The following ZNF75D variants were observed in gnomAD, a reference collection of about 807,000 sequenced individuals.
ZNF75D encodes the protein zinc finger protein 75.
ZNF75D carries 33 observed loss-of-function variants against 33.3 expected under a neutral mutation model. The observed-to-expected ratio is 0.99, with a 90% CI of 0.75 to 1.32. ZNF75D has a LOEUF of 1.32. ZNF75D is among the 40% of genes most tolerant of loss of function. The probability of loss-of-function intolerance (pLI) is 0.00; values close to 1 mark genes in which losing one functional copy is unlikely to be tolerated. For synonymous variants in ZNF75D, 113 were observed against 130.6 expected, an observed-to-expected ratio of 0.87 and a Z score of 0.92; for missense variants, 338 against 367.5, an observed-to-expected ratio of 0.92 and a Z score of 0.66.
At chrX:135,272,766 G>A (rs1305001093) in intron 1 of ZNF75D, among the ~76,000 whole-genome samples, 1 of 111,367 alleles carries the variant, frequency 9.0e-6, no homozygotes, top group Admixed American at 9.5e-5. Flanking sequence ...AAACACTTCA[G>A]CTATGACAGG....
At chrX:135,332,773 A>C (rs1266705509) in intron 1 of ZNF75D, among the ~76,000 whole-genome samples, 1 of 111,899 alleles carries the variant, frequency 8.9e-6, no homozygotes, top group Non-Finnish European at 1.9e-5. Flanking sequence ...TCAACTACTC[A>C]TCATCTCACA....
intron 1 of ZNF75D, among the ~76,000 whole-genome samples, chrX:135,325,064 C>T (rs781913741): frequency 2.6e-4 from 29 of 110,236 alleles, no homozygotes; most frequent in African/African-American, 9.2e-4. Context: ...GGGAAACAAC[C>T]CTACTGATGA....
rs2083974642 is a variant in ZNF75D, at chrX:135,287,675, GCT to G, written c.993_994del (p.Ala332PhefsTer13). 8.3e-7 allele frequency: 1 copy of G among 1,209,265 alleles called. No individual in the cohort carries two copies. The highest frequency in any genetic ancestry group is 2.2e-5 in the Admixed American group (1 of 45,495). On this transcript the variant is annotated frameshift_variant, in exon 7 of 7. Coordinates refer to ENST00000370766, the MANE Select transcript of ZNF75D (RefSeq NM_007131.5). LOFTEE classifies it high-confidence loss of function. ...TTTCTTTCTTTTCTTCCTTGGAAAA[GCT>G]CGATGCCATTTCTGTACACTGTGTG...
At chrX:135,316,676 T>A (rs1044748002) in intron 1 of ZNF75D, among the ~76,000 whole-genome samples, 14 of 111,153 alleles carry the variant, frequency 1.3e-4, no homozygotes, top group African/African-American at 4.6e-4. Flanking sequence ...TCACAAAGGC[T>A]TTGTTCATTC....
chrX:135,315,407 T>C (rs1235425580), intron 1 of ZNF75D, among the ~76,000 whole-genome samples: 1 of 112,522 alleles, frequency 8.9e-6, no homozygotes, highest in Non-Finnish European at 1.9e-5. Flanking sequence ...GAAAAGAATG[T>C]GCATTCTGCA....
At chrX:135,333,947 G>T (rs781918724) in intron 1 of ZNF75D, among the ~76,000 whole-genome samples, 21 of 111,680 alleles carry the variant, frequency 1.9e-4, no homozygotes, top group African/African-American at 6.5e-4. Context: ...TCTTTTCATC[G>T]CTATGAAGCA....
intron 3 of ZNF75D, among the ~76,000 whole-genome samples, chrX:135,293,383 G>A (rs1270364897): frequency 9.0e-6 from 1 of 111,275 alleles, no homozygotes; most frequent in Non-Finnish European, 1.9e-5. Flanking sequence ...TGCCCATCTT[G>A]TGGATCTTCT....
At chrX:135,265,952 A>G (rs1602584872) in intron 1 of ZNF75D, among the ~76,000 whole-genome samples, 1 of 112,272 alleles carries the variant, frequency 8.9e-6, no homozygotes, top group East Asian at 2.8e-4. Context: ...AGAAACAATA[A>G]AAACTTAAAA....
At chrX:135,270,902 A>G (rs2083880692) in intron 1 of ZNF75D, among the ~76,000 whole-genome samples, 1 of 112,000 alleles carries the variant, frequency 8.9e-6, no homozygotes, top group Admixed American at 9.5e-5. Flanking sequence ...GAATATTTTA[A>G]CCTCCAAACC....
chrX:135,265,354 G>T (rs1438588510), intron 1 of ZNF75D, among the ~76,000 whole-genome samples: 1 of 111,448 alleles, frequency 9.0e-6, no homozygotes, highest in Non-Finnish European at 1.9e-5. Context: ...AGTACAAGAA[G>T]GCTATAGAAC....
At position 135,287,412 on chromosome X, in the gene ZNF75D, G is replaced by A; in HGVS notation, c.1258C>T (p.Pro420Ser). The change falls in exon 7 of 7, where the codon CCA becomes TCA. Residue 420 changes from proline (P) to serine (S), a missense_variant. By Grantham distance (74) the Pro-to-Ser change is moderately conservative (BLOSUM62 -1). Around this residue, in one of 3 missense-constraint regions of ZNF75D, gnomAD observed 79 missense variants for 80.1 expected, o/e 0.99. Coordinates refer to ENST00000370766, the MANE Select transcript of ZNF75D (RefSeq NM_007131.5). ...TTCCCACACCATGAGCATCTATATGGTTTTATTCCTTGATGGGTCATGAAG... is the reference window on the plus strand; with the variant it reads ...TTCCCACACCATGAGCATCTATATGATTTTATTCCTTGATGGGTCATGAAG... ...KHFMTHQGIK[P>S]YRCSWCGKSF... The A allele has an allele frequency of 5.0e-6, 6 of 1,211,530 alleles. No homozygotes were observed. The highest frequency in any genetic ancestry group is 1.7e-5 in the African/African-American group (1 of 57,832).
At position 135,301,736 on chromosome X, in the gene ZNF75D, G is replaced by A. The variant is rs149559294; in HGVS notation, c.-390-5697C>T. Reference sequence around the variant, plus strand: ...AGTGCCTGCAGTTTTCCAGGCACACGGTACAAGCTGTTGGTGGATCTACCC... The same window carrying A: ...AGTGCCTGCAGTTTTCCAGGCACACAGTACAAGCTGTTGGTGGATCTACCC... On this transcript the variant is annotated intron_variant, in intron 1 of 6. Coordinates refer to ENST00000370766, the MANE Select transcript of ZNF75D (RefSeq NM_007131.5). Among the ~76,000 whole-genome samples the A allele has an allele frequency of 2.6e-3, 295 of 112,048 alleles. 1 individual carries two copies. Among genetic ancestry groups the A allele is most frequent in the African/African-American group, 8.6e-3 (265 of 30,795 alleles).
intron 1 of ZNF75D, among the ~76,000 whole-genome samples, chrX:135,300,697 A>G (rs1419327144): frequency 9.3e-6 from 1 of 108,060 alleles, no homozygotes; most frequent in East Asian, 2.9e-4. Context: ...CAGTGAGCCG[A>G]GATTGCACCA....
chrX:135,291,420 G>T, intron 5 of ZNF75D, 52 bp downstream of exon 5: 1 of 1,188,015 alleles, frequency 8.4e-7, no homozygotes, highest in Non-Finnish European at 1.1e-6. Flanking sequence ...GGGACAAGCA[G>T]AGGCAAGGCC....
At chrX:135,312,210 A>G (rs782753971) in intron 1 of ZNF75D, among the ~76,000 whole-genome samples, 1 of 111,290 alleles carries the variant, frequency 9.0e-6, no homozygotes, top group Non-Finnish European at 1.9e-5. Flanking sequence ...TATGAGATCA[A>G]CGTTTTTAGC....
chrX:135,279,874 G>A (rs200792344), intron 1 of ZNF75D, among the ~76,000 whole-genome samples: 32 of 111,326 alleles, frequency 2.9e-4, no homozygotes, highest in Admixed American at 1.5e-3. Context: ...CCATTATTTC[G>A]CGTTTACTGA....
chrX:135,271,511 C>T (rs1488705574), intron 1 of ZNF75D, among the ~76,000 whole-genome samples: 3 of 111,994 alleles, frequency 2.7e-5, no homozygotes, highest in Non-Finnish European at 3.8e-5. Flanking sequence ...GCCCTCTCTT[C>T]CTAGTCTCCT....
intron 1 of ZNF75D, among the ~76,000 whole-genome samples, chrX:135,308,147 A>G (rs1556426283): frequency 8.9e-6 from 1 of 112,057 alleles, no homozygotes; most frequent in African/African-American, 3.2e-5. Flanking sequence ...AAGCCAGGTG[A>G]TGGTTGTCAG....
At chrX:135,302,402 A>T (rs1161459031) in intron 1 of ZNF75D, among the ~76,000 whole-genome samples, 8 of 112,167 alleles carry the variant, frequency 7.1e-5, no homozygotes, top group African/African-American at 2.6e-4. Context: ...AGTGGAGGTC[A>T]GTAAGTCAGC....
Sources: gnomAD v4.1 joint callset for allele counts (sites outside exome capture counted in the v4.1 genomes callset) on GRCh38, gnomAD v4.1.1 for gene constraint, gnomAD v4.1.1 regional missense constraint, MANE v1.5 for transcripts, NCBI Gene and HGNC (gene_info 2026-07-23, HGNC 2026-07-21) for gene names.